The following ABCC3 variants were observed in gnomAD, a reference collection of about 807,000 sequenced individuals.
ABCC3 encodes ATP binding cassette subfamily C member 3.
A neutral mutation model predicts 165.3 loss-of-function variants in ABCC3; 121 were observed. That is an observed-to-expected ratio of 0.73 (90% confidence interval 0.63 to 0.85). ABCC3 has a LOEUF of 0.85. Ranked by LOEUF, ABCC3 falls within the 40% of genes least tolerant of loss-of-function variation. ABCC3 has a pLI of 0.00. For synonymous variants in ABCC3, 733 were observed against 810.1 expected, an observed-to-expected ratio of 0.90 and a Z score of 1.62; for missense variants, 1,869 against 1,964.1, an observed-to-expected ratio of 0.95 and a Z score of 0.92.
intron 1 of ABCC3, among the ~76,000 whole-genome samples, chr17:50,649,111 C>CAAA (rs575758407): frequency 1.0e-5 from 1 of 100,178 alleles, no homozygotes. Flanking sequence ...GACTCCATCT[C>CAAA]AAAAAAAAAA....
chr17:50,679,756 G>A, intron 25 of ABCC3, 42 bp from the exon 26 acceptor site: 2 of 1,564,394 alleles, frequency 1.3e-6, no homozygotes, highest in Non-Finnish European at 1.8e-6. Context: ...TTACGGTGGG[G>A]AGGGGAGATC....
intron 28 of ABCC3, 58 bp downstream of exon 28, chr17:50,684,165 C>G: frequency 1.3e-6 from 2 of 1,582,612 alleles, no homozygotes; most frequent in South Asian, 1.1e-5. Flanking sequence ...CAGGCCCCAC[C>G]TTGTTCTGTA....
At position 50,657,937 on chromosome 17, in the gene ABCC3, A is replaced by G. The variant is rs141668608; in HGVS notation, c.487-145A>G. The G allele has an allele frequency of 2.8e-4, 314 of 1,110,746 alleles. 1 individual carries two copies. The highest frequency in any genetic ancestry group is 3.7e-4 in the Non-Finnish European group (288 of 771,842). 68.8% of individuals were successfully genotyped at this position (1,110,746 alleles called of 1,614,324 possible). ...CCCTTGTGATCCTTCCTCATCTCTC[A>G]GAGTCCTCTGAGTGGGGACCTGGAG... is the stretch of plus-strand genomic sequence containing the variant. On this transcript the variant is annotated intron_variant, in intron 4 of 30. Transcript: ENST00000285238.
Position 50,677,733 on chromosome 17 carries a change from C to G in ABCC3, c.3379-11C>G. The G allele has an allele frequency of 1.2e-6, 2 of 1,612,884 alleles. No homozygotes were observed. The highest frequency in any genetic ancestry group is 1.7e-6 in the Non-Finnish European group (2 of 1,179,180). On this transcript the variant is annotated splice_polypyrimidine_tract_variant and intron_variant, in intron 23 of 30. Transcript: ENST00000285238. ...ATGGCCCTGACCCCAAACTCCTTCTCCCTCCATCAGCGCTTCTATGCAGCC... is the reference window on the plus strand; with the variant it reads ...ATGGCCCTGACCCCAAACTCCTTCTGCCTCCATCAGCGCTTCTATGCAGCC...
chr17:50,685,372 G>A (rs2146644895), intron 29 of ABCC3, among the ~76,000 whole-genome samples: 1 of 152,284 alleles, frequency 6.6e-6, no homozygotes, highest in Non-Finnish European at 1.5e-5. Context: ...TAACCTCTCT[G>A]TGCCTACTTT....
chr17:50,683,463 G>A, intron 26 of ABCC3, 147 bp from the exon 27 acceptor site: 1 of 817,214 alleles, frequency 1.2e-6, no homozygotes, highest in Non-Finnish European at 1.7e-6. Context: ...AGGAGTCATT[G>A]AACACAAGGC....
intron 29 of ABCC3, 80 bp downstream of exon 29, chr17:50,684,955 A>G (rs1385583891): frequency 7.3e-6 from 11 of 1,510,842 alleles, no homozygotes; most frequent in Non-Finnish European, 9.0e-6. Context: ...CCTGACACCA[A>G]TGACACAGAG....
intron 1 of ABCC3, chr17:50,643,549 A>G (rs1448530701): frequency 4.4e-6 from 2 of 456,236 alleles, no homozygotes; most frequent in Non-Finnish European, 8.8e-6. Flanking sequence ...GTATCTGCAG[A>G]ACCCAGCCCA....
chr17:50,657,212 A>G, intron 4 of ABCC3, 29 bp downstream of exon 4: 1 of 1,609,998 alleles, frequency 6.2e-7, no homozygotes, highest in Non-Finnish European at 8.5e-7. Context: ...GGAACCTGCC[A>G]GGTTTAGCCC....
rs985839354 is a variant in ABCC3, at chr17:50,658,608, C to T, written c.674+112C>T. 66 of 1,191,382 alleles carry T rather than the reference C, an allele frequency of 5.5e-5. 1 individual carries two copies. The highest frequency in any genetic ancestry group is 8.0e-5 in the Non-Finnish European group (64 of 803,812). The allele number at this position is 1,191,382 out of a possible 1,614,324, so 73.8% of individuals were successfully genotyped here. ...GGACCGGGCTGGCCACCTATCCCACCCCCCACCGCAGTGGGCACAGGGCAG... is the reference window on the plus strand; with the variant it reads ...GGACCGGGCTGGCCACCTATCCCACTCCCCACCGCAGTGGGCACAGGGCAG... On this transcript the variant is annotated intron_variant, in intron 6 of 30. Transcript: ENST00000285238.
rs370298550 is a variant in ABCC3, at chr17:50,659,233, C to A, written c.675-4C>A. 2.0e-5 allele frequency: 32 copies of A among 1,613,360 alleles called. No individual in the cohort carries two copies. Among genetic ancestry groups the A allele is most frequent in the South Asian group, 1.2e-4 (11 of 91,054 alleles). On this transcript the variant is annotated splice_polypyrimidine_tract_variant and splice_region_variant and intron_variant, in intron 6 of 30. Transcript: ENST00000285238. ...GCTGCCTGCCGGGCTTCACCTCCCC[C>A]CAGGATGGCCATCTATGGCTACCGG...
At chr17:50,651,833 T>C (rs1967121474) in intron 1 of ABCC3, among the ~76,000 whole-genome samples, 3 of 152,214 alleles carry the variant, frequency 2.0e-5, no homozygotes, top group Non-Finnish European at 4.4e-5. Context: ...GGATTGCCTA[T>C]AAAGATGAGA....
At chr17:50,649,181 T>G (rs2146596329) in intron 1 of ABCC3, among the ~76,000 whole-genome samples, 1 of 151,146 alleles carries the variant, frequency 6.6e-6, no homozygotes, top group African/African-American at 2.4e-5. Flanking sequence ...TTAGACAAAT[T>G]AAATTTAGCA....
intron 30 of ABCC3, 81 bp from the exon 31 acceptor site, chr17:50,691,011 A>G (rs1968113788): frequency 1.7e-5 from 19 of 1,113,354 alleles, no homozygotes; most frequent in Middle Eastern, 2.7e-4. Flanking sequence ...GGCCTGAGCA[A>G]GTACCCAGAA....
rs986524232 is a variant in ABCC3, at chr17:50,675,750, A to T, written c.2834A>T (p.Gln945Leu). The change falls in exon 21 of 31, where the codon CAG (glutamine) becomes CTG (leucine). Residue 945 changes from glutamine to leucine, a missense_variant. Transcript: ENST00000285238. ...TEAKADGALT[Q>L]EEKAAIGTVE... ...GCGAAGGCAGATGGGGCACTGACCC[A>T]GGAGGAGAAAGCAGCCATTGGCACT... The T allele has an allele frequency of 5.8e-6, 9 of 1,564,376 alleles. No individual in the cohort carries two copies. Among genetic ancestry groups the T allele is most frequent in the Non-Finnish European group, 6.1e-6 (7 of 1,154,182 alleles).
chr17:50,657,022 G>T lies in ABCC3; in HGVS notation c.349-24G>T, dbSNP rs112433873. 1,444 of 1,609,164 alleles carry T rather than the reference G, an allele frequency of 9.0e-4. 18 individuals carry two copies. In the African/African-American group the frequency reaches 0.018, roughly 20 times the overall value. ...GGTCCAGATGTGTGTGTTCTGCCCG[G>T]GCCTCCCTGCCCTCCCTGCACAGCT... On this transcript the variant is annotated intron_variant, in intron 3 of 30. Transcript: ENST00000285238.
chr17:50,675,608 G>A, intron 20 of ABCC3, 23 bp from the exon 21 acceptor site: 1 of 1,561,558 alleles, frequency 6.4e-7, no homozygotes, highest in Non-Finnish European at 8.7e-7. Flanking sequence ...CCCCTCCCTG[G>A]GCCTGACCAG....
At chr17:50,670,407 T>G (rs890451833) in intron 17 of ABCC3, among the ~76,000 whole-genome samples, 20 of 152,212 alleles carry the variant, frequency 1.3e-4, no homozygotes, top group East Asian at 5.8e-4. Context: ...GACCTCAGTT[T>G]TAACAACTGA....
chr17:50,654,732 C>T (rs770373049), intron 1 of ABCC3, among the ~76,000 whole-genome samples: 4 of 152,098 alleles, frequency 2.6e-5, no homozygotes, highest in Non-Finnish European at 5.9e-5. Flanking sequence ...CGGGAAAGGC[C>T]TTAAGAGAAA....
Sources: allele counts gnomAD v4.1 joint callset (sites outside exome capture counted in the v4.1 genomes callset), GRCh38; gene constraint gnomAD v4.1.1; transcripts MANE v1.5; gene names NCBI Gene and HGNC (gene_info 2026-07-23, HGNC 2026-07-21).